Variants in CHAMP1 observed in about 807,000 individuals in gnomAD.
The protein encoded by CHAMP1 is chromosome alignment-maintaining phosphoprotein 1.
Under a neutral mutation model 54.5 loss-of-function variants are expected in CHAMP1, and 4 were observed. The ratio of observed to expected loss-of-function variants is 0.07; its 90% CI spans 0.04 to 0.17. The LOEUF (loss-of-function observed/expected upper bound fraction) is 0.17, where lower values mean the gene tolerates loss of function less well. Ranked by LOEUF, CHAMP1 falls within the 10% of genes least tolerant of loss-of-function variation. CHAMP1 has a pLI of 1.00. For missense variants in CHAMP1, 994 were observed against 968.6 expected, an observed-to-expected ratio of 1.03 and a Z score of -0.35; for synonymous variants, 368 against 342.2, an observed-to-expected ratio of 1.08 and a Z score of -0.83.
chr13:114,324,774 C>T lies in CHAMP1; in HGVS notation c.932C>T (p.Ser311Phe), dbSNP rs781828172. 6.2e-7 allele frequency: 1 copy of T among 1,614,050 alleles called. No homozygotes were observed. ...CCAGCCCCCGCTGTGTCACCAGGCT[C>T]TTGGAAACCAGGGCCACCTGGGTCC... ...RRPAPAVSPG[S>F]WKPGPPGSPR... Residue 311 changes from serine to phenylalanine, a missense_variant, in exon 3 of 3, where the codon TCT (serine) becomes TTT (phenylalanine). Coordinates refer to ENST00000361283, the MANE Select transcript of CHAMP1 (RefSeq NM_032436.4).
At position 114,325,683 on chromosome 13, in the gene CHAMP1, C is replaced by T. The variant is rs947831645; in HGVS notation, c.1841C>T (p.Pro614Leu). 3 of 1,613,608 alleles carry T rather than the reference C, an allele frequency of 1.9e-6. No individual in the cohort carries two copies. In the African/African-American group the frequency reaches 4.0e-5, roughly 22 times the overall value. Residue 614 changes from proline to leucine, a missense_variant, in exon 3 of 3, where the codon CCT becomes CTT. Physicochemically the swap from Pro to Leu is moderately conservative, Grantham distance 98. Coordinates refer to ENST00000361283, the MANE Select transcript of CHAMP1 (RefSeq NM_032436.4). ...AAACTCTTAGAAGATACTTTATTTCCTTCCTCAAAGAAGCTCAAGAAAGAC... is the reference window on the plus strand; with the variant it reads ...AAACTCTTAGAAGATACTTTATTTCTTTCCTCAAAGAAGCTCAAGAAAGAC... ...PKKLLEDTLF[P>L]SSKKLKKDNQ...
Position 114,324,752 on chromosome 13 carries a change from G to A in CHAMP1, c.910G>A (p.Ala304Thr), listed in dbSNP as rs372460124. Reference sequence around the variant, plus strand: ...TGTCTCCCCAGAGCCTAGGAGACCAGCCCCCGCTGTGTCACCAGGCTCTTG... The same window carrying A: ...TGTCTCCCCAGAGCCTAGGAGACCAACCCCCGCTGTGTCACCAGGCTCTTG... The part of the protein sequence containing the change: ...PAVSPEPRRP[A>T]PAVSPGSWKP... The change falls in exon 3 of 3, where the codon GCC becomes ACC. Residue 304 changes from alanine to threonine, a missense_variant. Around this residue, in one of 3 missense-constraint regions of CHAMP1, gnomAD observed 851 missense variants for 701.3 expected, o/e 1.21. Coordinates refer to ENST00000361283, the MANE Select transcript of CHAMP1 (RefSeq NM_032436.4). 1 of 1,613,966 alleles carries A rather than the reference G, an allele frequency of 6.2e-7. No homozygotes were observed. The highest frequency in any genetic ancestry group is 2.2e-5 in the East Asian group (1 of 44,882).
Position 114,326,362 on chromosome 13 carries a change from T to TGGATCA in CHAMP1, c.*83_*88dup, listed in dbSNP as rs1412428524. The TGGATCA allele has an allele frequency of 1.9e-5, 28 of 1,444,252 alleles. No individual in the cohort carries two copies. The highest frequency in any genetic ancestry group is 1.3e-5 in the Non-Finnish European group (14 of 1,082,642). 89.5% of individuals were successfully genotyped at this position (1,444,252 alleles called of 1,614,324 possible). On this transcript the variant is annotated 3_prime_UTR_variant, in exon 3 of 3. Transcript: ENST00000361283. ...AGTATAGCTTATCAGATAGCATAGTTGGATCAGTAGATGACATGTATGGTG... is the reference window on the plus strand; with the variant it reads ...AGTATAGCTTATCAGATAGCATAGTTGGATCAGGATCAGTAGATGACATGTATGGTG...
chr13:114,318,888 A>G (rs1431188412), intron 1 of CHAMP1, among the ~76,000 whole-genome samples: 1 of 43,726 alleles, frequency 2.3e-5, no homozygotes, highest in Non-Finnish European at 4.0e-5. Flanking sequence ...TTTTTTTTTA[A>G]TGTTCCCTAG....
At position 114,324,483 on chromosome 13, in the gene CHAMP1, C is replaced by T. The variant is rs2087214371; in HGVS notation, c.641C>T (p.Ser214Phe). The change falls in exon 3 of 3, where the codon TCT (serine) becomes TTT (phenylalanine). Residue 214 changes from serine (S) to phenylalanine (F), a missense_variant. Ser to Phe is a radical substitution (Grantham distance 155, BLOSUM62 -2). Transcript: ENST00000361283. ...SPEPQKPAPV[S>F]PESVKATLSN... ...GAACCACAGAAACCTGCCCCTGTATCTCCTGAGTCAGTAAAGGCTACTCTT... is the reference window on the plus strand; with the variant it reads ...GAACCACAGAAACCTGCCCCTGTATTTCCTGAGTCAGTAAAGGCTACTCTT... The T allele has an allele frequency of 6.2e-7, 1 of 1,614,074 alleles. No homozygotes were observed.
intron 1 of CHAMP1, among the ~76,000 whole-genome samples, chr13:114,318,931 G>A (rs573364630): frequency 8.4e-6 from 1 of 119,650 alleles, no homozygotes; most frequent in Non-Finnish European, 1.6e-5. Flanking sequence ...TGTCCTTCCT[G>A]CCCAGAGCTG....
chr13:114,321,879 C>A (rs187260837), intron 2 of CHAMP1, among the ~76,000 whole-genome samples: 57 of 151,810 alleles, frequency 3.8e-4, no homozygotes, highest in Admixed American at 5.9e-4. Context: ...AAATAGTTTC[C>A]GAAGAAAAGT....
chr13:114,321,923 CT>C (rs1489714868), intron 2 of CHAMP1: 2 of 151,450 alleles, frequency 1.3e-5, no homozygotes, highest in Non-Finnish European at 2.9e-5. Context: ...ACCTTTTTAG[CT>C]TTAGATCAAA....
In CHAMP1 at chr13:114,324,763, G is replaced by A. The variant is rs1387497763; in HGVS notation, c.921G>A (p.Val307=). The change falls in exon 3 of 3, where the codon GTG becomes GTA. Residue 307 remains valine (V), a synonymous_variant. Transcript: ENST00000361283. ...AGCCTAGGAGACCAGCCCCCGCTGT[G>A]TCACCAGGCTCTTGGAAACCAGGGC... The part of the protein sequence containing the change: ...SPEPRRPAPA[V]SPGSWKPGPP... The A allele has an allele frequency of 3.7e-6, 6 of 1,613,866 alleles. No homozygotes were observed. The African/African-American group carries it at 5.3e-5, about 14-fold the overall frequency.
chr13:114,316,504 C>T (rs1214881746), intron 1 of CHAMP1, among the ~76,000 whole-genome samples: 2 of 151,412 alleles, frequency 1.3e-5, no homozygotes, highest in East Asian at 2.0e-4. Context: ...GCAGGAGAAT[C>T]GCTTGAACCT....
intron 1 of CHAMP1, among the ~76,000 whole-genome samples, chr13:114,317,807 G>C (rs1348424352): frequency 1.3e-5 from 2 of 152,160 alleles, no homozygotes; most frequent in African/African-American, 2.4e-5. Flanking sequence ...TGGGAGATGG[G>C]AAATAGGTAT....
intron 2 of CHAMP1, chr13:114,322,039 T>A (rs1313771018): frequency 7.4e-6 from 1 of 134,602 alleles, no homozygotes; most frequent in African/African-American, 3.1e-5. Context: ...AATGTTAATT[T>A]TTTTTTTTTT....
At chr13:114,323,690 C>CT (rs1223490091) in intron 2 of CHAMP1, 98 bp from the exon 3 acceptor site, 12 of 974,060 alleles carry the variant, frequency 1.2e-5, no homozygotes, top group Non-Finnish European at 1.6e-5. Context: ...AAAGCACGCA[C>CT]TGTTCTAGAC....
Position 114,326,602 on chromosome 13 carries a change from G to A in CHAMP1, c.*321G>A, listed in dbSNP as rs1048703159. ...GAGCAAGTTGTACTCAAAGCATTCAGTTAAAGTGTATCTGTGTGTGGAACT... is the reference window on the plus strand; with the variant it reads ...GAGCAAGTTGTACTCAAAGCATTCAATTAAAGTGTATCTGTGTGTGGAACT... On this transcript the variant is annotated 3_prime_UTR_variant, in exon 3 of 3. Coordinates refer to ENST00000361283, the MANE Select transcript of CHAMP1 (RefSeq NM_032436.4). The A allele has an allele frequency of 1.2e-4, 27 of 221,426 alleles. No individual in the cohort carries two copies. Among genetic ancestry groups the A allele is most frequent in the African/African-American group, 6.0e-4 (26 of 43,638 alleles). The allele number at this position is 221,426 out of a possible 1,614,324, so 13.7% of individuals were successfully genotyped here.
chr13:114,319,859 A>C (rs2087146293), intron 1 of CHAMP1, among the ~76,000 whole-genome samples: 1 of 152,204 alleles, frequency 6.6e-6, no homozygotes, highest in African/African-American at 2.4e-5. Context: ...ATACAAATGC[A>C]CAGACGCTGG....
chr13:114,315,207 G>A (rs1365259311), intron 1 of CHAMP1, among the ~76,000 whole-genome samples: 1 of 152,142 alleles, frequency 6.6e-6, no homozygotes, highest in Non-Finnish European at 1.5e-5. Flanking sequence ...AGGAAATGCA[G>A]ATGAAAACCA....
chr13:114,324,485 C>A lies in CHAMP1; in HGVS notation c.643C>A (p.Pro215Thr). The change falls in exon 3 of 3, where the codon CCT (proline) becomes ACT (threonine). Residue 215 changes from proline to threonine, a missense_variant. Physicochemically the swap from Pro to Thr is conservative, Grantham distance 38. Around this residue, in one of 3 missense-constraint regions of CHAMP1, gnomAD observed 851 missense variants for 701.3 expected, o/e 1.21. Transcript: ENST00000361283. The part of the protein sequence containing the change: ...PEPQKPAPVS[P>T]ESVKATLSNP... ...ACCACAGAAACCTGCCCCTGTATCT[C>A]CTGAGTCAGTAAAGGCTACTCTTAG... The A allele has an allele frequency of 6.2e-7, 1 of 1,614,226 alleles. No individual in the cohort carries two copies. The highest frequency in any genetic ancestry group is 8.5e-7 in the Non-Finnish European group (1 of 1,180,044).
At chr13:114,323,643 C>G (rs1162257948) in intron 2 of CHAMP1, 145 bp from the exon 3 acceptor site, 1 of 639,286 alleles carries the variant, frequency 1.6e-6, no homozygotes, top group Non-Finnish European at 2.5e-6. Flanking sequence ...TCTATATCTC[C>G]TTTTTCTTCA....
At chr13:114,317,348 A>G (rs1038160630) in intron 1 of CHAMP1, among the ~76,000 whole-genome samples, 1 of 150,024 alleles carries the variant, frequency 6.7e-6, no homozygotes, top group Non-Finnish European at 1.5e-5. Context: ...CTTAAAGGCC[A>G]GGCATGGTAG....
Sources: gnomAD v4.1 joint callset for allele counts (sites outside exome capture counted in the v4.1 genomes callset) on GRCh38, gnomAD v4.1.1 for gene constraint, gnomAD v4.1.1 regional missense constraint, MANE v1.5 for transcripts, NCBI Gene and HGNC (gene_info 2026-07-23, HGNC 2026-07-21) for gene names.